Variants in PTPRO observed in about 807,000 individuals in gnomAD.
PTPRO encodes protein tyrosine phosphatase receptor type O.
PTPRO carries 62 observed loss-of-function variants against 145.2 expected under a neutral mutation model. That is an observed-to-expected ratio of 0.43 (90% confidence interval 0.35 to 0.53). PTPRO has a LOEUF of 0.53. Among genes scored for constraint, PTPRO ranks in the 20% least tolerant of loss-of-function variants. The pLI is 0.01. For missense variants in PTPRO, 1,345 were observed against 1,482.7 expected, an observed-to-expected ratio of 0.91 and a Z score of 1.53; for synonymous variants, 565 against 514.7, an observed-to-expected ratio of 1.10 and a Z score of -1.32.
At chr12:15,350,565 A>C (rs1937771066) in intron 1 of PTPRO, among the ~76,000 whole-genome samples, 1 of 152,180 alleles carries the variant, frequency 6.6e-6, no homozygotes, top group African/African-American at 2.4e-5. Context: ...GCTATTGGAA[A>C]ATGAGAGAAG....
In PTPRO at chr12:15,515,519, A is replaced by G. The variant is rs1591673478; in HGVS notation, c.1486A>G (p.Ile496Val). 4 of 1,613,952 alleles carry G rather than the reference A, an allele frequency of 2.5e-6. No individual in the cohort carries two copies. The East Asian group carries it at 8.9e-5, about 36-fold the overall frequency. Residue 496 changes from isoleucine (I) to valine (V), a missense_variant, in exon 8 of 27, where the codon ATT becomes GTT. Physicochemically the swap from Ile to Val is conservative, Grantham distance 29 (BLOSUM62 3). Transcript: ENST00000281171. ...AAAGGTGAACTCAAGCAAACCTATT[A>G]TTGAAAATCTGGTTCCTGGTGCCCA... Reference protein sequence around the residue: ...CTQVNSSKPIIENLVPGAQYQ... With the variant: ...CTQVNSSKPIVENLVPGAQYQ...
At chr12:15,352,494 A>G (rs967794148) in intron 1 of PTPRO, among the ~76,000 whole-genome samples, 1 of 151,992 alleles carries the variant, frequency 6.6e-6, no homozygotes, top group Non-Finnish European at 1.5e-5. Flanking sequence ...ACTAAAAAAT[A>G]CAAAGAATTA....
intron 1 of PTPRO, among the ~76,000 whole-genome samples, chr12:15,467,273 A>T (rs1036498276): frequency 6.6e-6 from 1 of 152,042 alleles, no homozygotes; most frequent in African/African-American, 2.4e-5. Context: ...CCCATCACCT[A>T]CTTGGCATCT....
chr12:15,514,549 T>C (rs1011018980), intron 7 of PTPRO, among the ~76,000 whole-genome samples: 1 of 151,646 alleles, frequency 6.6e-6, no homozygotes, highest in Non-Finnish European at 1.5e-5. Context: ...TACAACAGCC[T>C]GGCAGGGTGC....
intron 1 of PTPRO, among the ~76,000 whole-genome samples, chr12:15,389,225 T>C (rs991543325): frequency 6.6e-6 from 1 of 151,420 alleles, no homozygotes; most frequent in Admixed American, 6.6e-5. Context: ...TGCCTCAGCC[T>C]CCCGAGTAGC....
chr12:15,366,604 G>A (rs747837935), intron 1 of PTPRO, among the ~76,000 whole-genome samples: 3 of 152,116 alleles, frequency 2.0e-5, no homozygotes, highest in Non-Finnish European at 4.4e-5. Context: ...GAAATGGGTA[G>A]TATAGTTGAG....
chr12:15,509,623 GGA>G (rs2070307880), intron 7 of PTPRO, among the ~76,000 whole-genome samples: 1 of 116,830 alleles, frequency 8.6e-6, no homozygotes. Context: ...CTTGAACCCG[GGA>G]GGTGGGGGTT....
intron 19 of PTPRO, among the ~76,000 whole-genome samples, chr12:15,574,653 C>T (rs1488738830): frequency 2.0e-5 from 3 of 152,160 alleles, no homozygotes; most frequent in African/African-American, 7.2e-5. Context: ...GACACGTAAT[C>T]TAGTAATCTT....
intron 9 of PTPRO, among the ~76,000 whole-genome samples, chr12:15,518,988 G>T (rs776196472): frequency 7.9e-5 from 12 of 152,110 alleles, no homozygotes; most frequent in Admixed American, 2.0e-4. Flanking sequence ...CTTCTCAGCA[G>T]CACTCCACTC....
chr12:15,403,440 G>A (rs751173674), intron 1 of PTPRO, among the ~76,000 whole-genome samples: 11 of 152,064 alleles, frequency 7.2e-5, no homozygotes, highest in Non-Finnish European at 1.0e-4. Context: ...AAAATTAGCC[G>A]GGCGTGGTGG....
chr12:15,503,928 A>C lies in PTPRO; in HGVS notation c.1126A>C (p.Met376Leu), dbSNP rs1287957841. The change falls in exon 6 of 27, where the codon ATG becomes CTG. Residue 376 changes from methionine (M) to leucine (L), a missense_variant. This residue lies in a region of PTPRO where 1,130 missense variants were observed against 1,214.7 expected (regional missense o/e 0.93). Coordinates refer to ENST00000281171, the MANE Select transcript of PTPRO (RefSeq NM_030667.3). ...TTTAGAGAACTTTACTGAATATTTG[A>C]TGGTGGATGAAGAAGCACATGAATT... is the stretch of plus-strand genomic sequence containing the variant. ...EREENFTEYL[M>L]VDEEAHEFVA... 6.3e-7 allele frequency: 1 copy of C among 1,581,158 alleles called. No individual in the cohort carries two copies. The highest frequency in any genetic ancestry group is 1.3e-5 in the African/African-American group (1 of 74,082).
intron 1 of PTPRO, among the ~76,000 whole-genome samples, chr12:15,474,094 T>C (rs1450231907): frequency 1.3e-5 from 2 of 152,126 alleles, no homozygotes; most frequent in East Asian, 3.9e-4. Flanking sequence ...ATGGAGATAA[T>C]AACTCTTGTT....
At chr12:15,431,729 A>G (rs2136342129) in intron 1 of PTPRO, among the ~76,000 whole-genome samples, 1 of 152,318 alleles carries the variant, frequency 6.6e-6, no homozygotes, top group Admixed American at 6.5e-5. Flanking sequence ...TTTGGAAAAT[A>G]TTAATATTAG....
intron 1 of PTPRO, among the ~76,000 whole-genome samples, chr12:15,443,742 T>C (rs1940831462): frequency 6.6e-6 from 1 of 151,918 alleles, no homozygotes; most frequent in Admixed American, 6.6e-5. Flanking sequence ...AAGATGCTCA[T>C]CATCACTAAT....
At chr12:15,415,648 G>T (rs1285548028) in intron 1 of PTPRO, among the ~76,000 whole-genome samples, 1 of 151,754 alleles carries the variant, frequency 6.6e-6, no homozygotes, top group Non-Finnish European at 1.5e-5. Flanking sequence ...GCCTCCCAAA[G>T]TGCTGGGATT....
rs1314037050 is a variant in PTPRO at position 15,597,818 on chromosome 12, AT to A, written c.*1749del. ...GACTCCTTTATTTCCCTTTTTGGAC[AT>A]TTTAATAATGTGTCGCACCATTCTC... On this transcript the variant is annotated 3_prime_UTR_variant, in exon 27 of 27. Transcript: ENST00000281171. Among the ~76,000 whole-genome samples the A allele has an allele frequency of 9.9e-5, 15 of 152,234 alleles. No homozygotes were observed. Among genetic ancestry groups the A allele is most frequent in the Non-Finnish European group, 1.9e-4 (13 of 68,016 alleles).
intron 1 of PTPRO, among the ~76,000 whole-genome samples, chr12:15,326,122 G>A (rs1039985178): frequency 1.3e-5 from 2 of 151,824 alleles, no homozygotes; most frequent in South Asian, 2.1e-4. Context: ...GTCTCCCCTC[G>A]CAACCCCATA....
At chr12:15,512,098 TG>T (rs771294683) in intron 7 of PTPRO, among the ~76,000 whole-genome samples, 139 of 131,112 alleles carry the variant, frequency 1.1e-3, no homozygotes, top group Admixed American at 2.4e-3. Flanking sequence ...AATGGAGCAA[TG>T]TTTTTTTGTT....
intron 12 of PTPRO, among the ~76,000 whole-genome samples, chr12:15,535,444 A>G (rs895265781): frequency 6.6e-6 from 1 of 152,158 alleles, no homozygotes; most frequent in African/African-American, 2.4e-5. Context: ...AACAAAACAA[A>G]AACAGAATTG....
Sources: gnomAD v4.1 joint callset for allele counts (sites outside exome capture counted in the v4.1 genomes callset) on GRCh38, gnomAD v4.1.1 for gene constraint, gnomAD v4.1.1 regional missense constraint, MANE v1.5 for transcripts, NCBI Gene and HGNC (gene_info 2026-07-23, HGNC 2026-07-21) for gene names.